The following MYLIP variants were observed in gnomAD, a reference collection of about 807,000 sequenced individuals.
The protein encoded by MYLIP is myosin regulatory light chain interacting protein.
In MYLIP, 26 loss-of-function variants were observed where a neutral mutation model predicts 45.8. The observed-to-expected ratio is 0.57, with a 90% CI of 0.42 to 0.79. The LOEUF (loss-of-function observed/expected upper bound fraction) is 0.79. Among genes scored for constraint, MYLIP ranks in the 30% least tolerant of loss-of-function variants. The pLI, the probability that MYLIP is intolerant of heterozygous loss-of-function variation, is 0.00. For missense variants in MYLIP, 494 were observed against 555.6 expected (o/e 0.89, Z 1.11); for synonymous variants, 213 against 218.1 (o/e 0.98, Z 0.21).
chr6:16,155,555 T>C, the MYLIP span, among the ~76,000 whole-genome samples: 1 of 152,210 alleles, frequency 6.6e-6, no homozygotes, highest in Non-Finnish European at 1.5e-5. Flanking sequence ...GAGATGACAG[T>C]GAAGCGGGAA....
intron 3 of MYLIP, 27 bp from the exon 4 acceptor site, chr6:16,142,993 A>T (rs1759704452): frequency 6.2e-7 from 1 of 1,601,056 alleles, no homozygotes; most frequent in Admixed American, 1.7e-5. Context: ...TGTATACTTA[A>T]TTCTCTGTCC....
chr6:16,146,594 T>G (rs114100266), intron 6 of MYLIP, 68 bp from the exon 7 acceptor site: 1 of 1,223,596 alleles, frequency 8.2e-7, no homozygotes, highest in Non-Finnish European at 1.2e-6. Flanking sequence ...ACCAGGGGTG[T>G]GCACAGAGAC....
In MYLIP at chr6:16,141,631, C is replaced by A. The variant is rs1277711078; in HGVS notation, c.285C>A (p.Ile95=). The change falls in exon 3 of 7, where the codon ATC becomes ATA. Residue 95 remains isoleucine (I), a synonymous_variant. Coordinates refer to ENST00000356840, the MANE Select transcript of MYLIP (RefSeq NM_013262.4). ...HLILQEQTRH[I]FFLHIKEALL... ...CTCTCACCTTGCTTTGCAGGCATAT[C>A]TTTTTCTTGCACATCAAGGAGGCCC... The A allele has an allele frequency of 1.9e-6, 3 of 1,612,202 alleles. No individual in the cohort carries two copies. Among genetic ancestry groups the A allele is most frequent in the Non-Finnish European group, 2.5e-6 (3 of 1,178,594 alleles).
At chr6:16,135,871 T>C (rs987329974) in intron 2 of MYLIP, among the ~76,000 whole-genome samples, 1 of 148,944 alleles carries the variant, frequency 6.7e-6, no homozygotes, top group African/African-American at 2.5e-5. Flanking sequence ...GTATGTATAC[T>C]AAGTATATAC....
intron 3 of MYLIP, 122 bp from the exon 4 acceptor site, chr6:16,142,894 AATAC>A: frequency 4.3e-6 from 4 of 938,192 alleles, no homozygotes; most frequent in Non-Finnish European, 6.4e-6. Flanking sequence ...AAACATCAGT[AATAC>A]ATAAGTTTTA....
At chr6:16,141,477 AT>A (rs941955576) in intron 2 of MYLIP, 147 bp from the exon 3 acceptor site, 374 of 702,666 alleles carry the variant, frequency 5.3e-4, no homozygotes, top group Non-Finnish European at 6.4e-4. Context: ...AATACTGATG[AT>A]TTTTTTTTGA....
rs1384447435 is a variant in MYLIP, at chr6:16,142,994, T to C, written c.465-26T>C. The C allele has an allele frequency of 1.9e-6, 3 of 1,602,042 alleles. No individual in the cohort carries two copies. In the African/African-American group the frequency reaches 4.0e-5, roughly 22 times the overall value. On this transcript the variant is annotated intron_variant, in intron 3 of 6. Coordinates refer to ENST00000356840, the MANE Select transcript of MYLIP (RefSeq NM_013262.4). ...CTAAAGCTAATATCTGTATACTTAA[T>C]TCTCTGTCCTCTTGGTGTCCTCCAG... is the stretch of plus-strand genomic sequence containing the variant.
At chr6:16,140,838 G>T (rs1759654820) in intron 2 of MYLIP, among the ~76,000 whole-genome samples, 2 of 151,384 alleles carry the variant, frequency 1.3e-5, no homozygotes, top group Admixed American at 6.6e-5. Context: ...TTTGAGCAGA[G>T]AAATGACAAG....
At chr6:16,136,635 A>G (rs1204499021) in intron 2 of MYLIP, among the ~76,000 whole-genome samples, 12 of 152,162 alleles carry the variant, frequency 7.9e-5, no homozygotes, top group African/African-American at 2.7e-4. Flanking sequence ...TAATCATTTC[A>G]TTTTATAACT....
chr6:16,141,802 C>T lies in MYLIP; in HGVS notation c.456C>T (p.Thr152=), dbSNP rs1278858022. 6.2e-7 allele frequency: 1 copy of T among 1,611,916 alleles called. No individual in the cohort carries two copies. Among genetic ancestry groups the T allele is most frequent in the Non-Finnish European group, 8.5e-7 (1 of 1,178,446 alleles). The change falls in exon 3 of 7, where the codon ACC becomes ACT. Residue 152 remains threonine (T), a synonymous_variant. Coordinates refer to ENST00000356840, the MANE Select transcript of MYLIP (RefSeq NM_013262.4). ...ELCAKELSSA[T]LNSIVAKHKE... ...GTGCCAAGGAGCTCTCCTCTGCCAC[C>T]TTGAACAGGTGAGGCTGTTGAATAT...
At position 16,143,859 on chromosome 6, in the gene MYLIP, T is replaced by C. The variant is rs748156535; in HGVS notation, c.823T>C (p.Tyr275His). 3 of 1,612,218 alleles carry C rather than the reference T, an allele frequency of 1.9e-6. No homozygotes were observed. The South Asian group carries it at 3.3e-5, about 18-fold the overall frequency. Residue 275 changes from tyrosine (Y) to histidine (H), a missense_variant, in exon 5 of 7, where the codon TAC (tyrosine) becomes CAC (histidine). Tyr to His is a moderately conservative substitution (Grantham distance 83). Transcript: ENST00000356840. ...AGCGATAACAGAGACGCACGCATTC[T>C]ACAGGCACGTATCTCGTGTGCTTGG... ...YRAITETHAF[Y>H]RCDTVTSAVM... is the part of the protein sequence containing the mutation.
In MYLIP at chr6:16,144,993, C is replaced by A. The variant is rs775816195; in HGVS notation, c.924C>A (p.Gly308=). 1.2e-6 allele frequency: 2 copies of A among 1,614,144 alleles called. No homozygotes were observed. The highest frequency in any genetic ancestry group is 1.7e-6 in the Non-Finnish European group (2 of 1,180,018). The change falls in exon 6 of 7, where the codon GGC becomes GGA. Residue 308 remains glycine, a synonymous_variant. Coordinates refer to ENST00000356840, the MANE Select transcript of MYLIP (RefSeq NM_013262.4). ...SLFLNENINL[G]KKYVFDIKRT... ...TTCTGAATGAAAACATTAACCTTGG[C>A]AAGAAATATGTCTTTGATATTAAAA...
intron 1 of MYLIP, 30 bp from the exon 2 acceptor site, chr6:16,130,527 T>C: frequency 1.2e-6 from 2 of 1,605,894 alleles, no homozygotes; most frequent in Non-Finnish European, 1.7e-6. Flanking sequence ...TACCATTTGC[T>C]CATCCAGGCT....
At chr6:16,155,620 G>A in the MYLIP span, among the ~76,000 whole-genome samples, 3 of 152,230 alleles carry the variant, frequency 2.0e-5, no homozygotes, top group Non-Finnish European at 4.4e-5. Flanking sequence ...GGAGTTAGCC[G>A]GCTGCTTCGG....
chr6:16,141,045 C>T lies in MYLIP; in HGVS notation c.279-580C>T, dbSNP rs576387087. ...TAGGACAAAGAGTCCAAAGTCAGTC[C>T]GTGGTCTCCATTCGGAGAAAAAGGG... On this transcript the variant is annotated intron_variant, in intron 2 of 6. Coordinates refer to ENST00000356840, the MANE Select transcript of MYLIP (RefSeq NM_013262.4). 5.3e-5 allele frequency among the ~76,000 whole-genome samples: 8 copies of T among 152,158 alleles called. No homozygotes were observed. In the South Asian group the frequency reaches 1.2e-3, roughly 24 times the overall value.
chr6:16,132,311 T>A (rs1759473905), intron 2 of MYLIP, among the ~76,000 whole-genome samples: 1 of 152,196 alleles, frequency 6.6e-6, no homozygotes, highest in African/African-American at 2.4e-5. Flanking sequence ...GTAATTGGGT[T>A]AGTAACTATT....
chr6:16,134,556 A>G (rs572793416), intron 2 of MYLIP, among the ~76,000 whole-genome samples: 5 of 152,308 alleles, frequency 3.3e-5, no homozygotes, highest in South Asian at 2.1e-4. Context: ...TGGGCCGTCT[A>G]TGAAAGTCAG....
intron 2 of MYLIP, among the ~76,000 whole-genome samples, chr6:16,134,792 A>C (rs1384944071): frequency 6.6e-6 from 1 of 152,164 alleles, no homozygotes; most frequent in Non-Finnish European, 1.5e-5. Flanking sequence ...TAAATTTCTG[A>C]TATAATTTTT....
chr6:16,152,100 G>A (rs1453252734), downstream of MYLIP, among the ~76,000 whole-genome samples: 1 of 152,188 alleles, frequency 6.6e-6, no homozygotes, highest in Non-Finnish European at 1.5e-5. Flanking sequence ...TTGATGGAAA[G>A]GGAAAGCATG....
Sources: gnomAD v4.1 joint callset for allele counts (sites outside exome capture counted in the v4.1 genomes callset) on GRCh38, gnomAD v4.1.1 for gene constraint, MANE v1.5 for transcripts, NCBI Gene and HGNC (gene_info 2026-07-23, HGNC 2026-07-21) for gene names.